Variants in CSMD1 observed in about 807,000 individuals in gnomAD.
CSMD1 encodes CUB and sushi domain-containing protein 1.
A neutral mutation model predicts 417.5 loss-of-function variants in CSMD1; 213 were observed. The observed-to-expected ratio is 0.51, with a 90% confidence interval of 0.46 to 0.57. The LOEUF (loss-of-function observed/expected upper bound fraction) is 0.57, where lower values mean the gene tolerates loss of function less well. Ranked by LOEUF, CSMD1 falls within the 20% of genes least tolerant of loss-of-function variation. The pLI, the probability that CSMD1 is intolerant of heterozygous loss-of-function variation, is 0.00. For synonymous variants in CSMD1, 2,862 were observed against 1,736.8 expected (o/e 1.65, Z -16.11); for missense variants, 6,923 against 4,529.7 (o/e 1.53, Z -15.17).
At chr8:4,527,277 A>G (rs1796564062) in intron 2 of CSMD1, among the ~76,000 whole-genome samples, 1 of 152,194 alleles carries the variant, frequency 6.6e-6, no homozygotes. Flanking sequence ...TAGCATTTAT[A>G]TGATCAGGAA....
intron 2 of CSMD1, among the ~76,000 whole-genome samples, chr8:4,578,564 C>A (rs1171775435): frequency 1.3e-5 from 2 of 151,370 alleles, no homozygotes; most frequent in Admixed American, 6.6e-5. Context: ...TGCCTGTAAT[C>A]TCGGCATTTT....
intron 3 of CSMD1, among the ~76,000 whole-genome samples, chr8:4,324,557 G>A (rs1208864656): frequency 6.6e-6 from 1 of 152,176 alleles, no homozygotes; most frequent in African/African-American, 2.4e-5. Context: ...GCCAATGCCA[G>A]GGAATAATTT....
intron 16 of CSMD1, among the ~76,000 whole-genome samples, chr8:3,396,815 G>T (rs1402456073): frequency 6.6e-6 from 1 of 151,930 alleles, no homozygotes; most frequent in Non-Finnish European, 1.5e-5. Flanking sequence ...GGGTGCACTA[G>T]AGTGAAATCA....
At chr8:4,197,592 C>G (rs1003721224) in intron 3 of CSMD1, among the ~76,000 whole-genome samples, 4 of 152,150 alleles carry the variant, frequency 2.6e-5, no homozygotes, top group African/African-American at 7.2e-5. Flanking sequence ...TAAAAATCAT[C>G]TTCCAGCTGG....
chr8:3,046,166 A>G (rs779089040), intron 50 of CSMD1, among the ~76,000 whole-genome samples: 9 of 152,166 alleles, frequency 5.9e-5, no homozygotes, highest in Non-Finnish European at 8.8e-5. Context: ...CTATGCTCAC[A>G]AAGTCAGTCT....
chr8:4,228,268 C>G (rs1801484337), intron 3 of CSMD1, among the ~76,000 whole-genome samples: 1 of 152,226 alleles, frequency 6.6e-6, no homozygotes. Flanking sequence ...TTTCCAGTCA[C>G]AGGCCCTGGT....
intron 2 of CSMD1, among the ~76,000 whole-genome samples, chr8:4,420,339 T>C (rs1217534): frequency 2.6e-4 from 39 of 151,974 alleles, no homozygotes; most frequent in African/African-American, 9.4e-4. Context: ...ATGCTCCTCG[T>C]TTTTGGATGG....
intron 3 of CSMD1, among the ~76,000 whole-genome samples, chr8:4,128,592 A>T (rs1211753211): frequency 2.0e-5 from 3 of 152,190 alleles, no homozygotes; most frequent in African/African-American, 7.2e-5. Context: ...AAACCTTCAA[A>T]GACCATTGTT....
intron 48 of CSMD1, among the ~76,000 whole-genome samples, chr8:3,088,010 T>C (rs1048731923): frequency 2.0e-5 from 3 of 152,216 alleles, no homozygotes; most frequent in African/African-American, 7.2e-5. Context: ...GACTGTACAA[T>C]GATGTAGATA....
At position 3,844,128 on chromosome 8, in the gene CSMD1, G is replaced by T. The variant is rs994888370; in HGVS notation, c.819-90086C>A. Among the ~76,000 whole-genome samples, 7 of 152,218 alleles carry T rather than the reference G, an allele frequency of 4.6e-5. 1 individual carries two copies. Among genetic ancestry groups the T allele is most frequent in the South Asian group, 4.1e-4 (2 of 4,824 alleles). On this transcript the variant is annotated intron_variant, in intron 5 of 69. Coordinates refer to ENST00000635120, the MANE Select transcript of CSMD1 (RefSeq NM_033225.6). Reference sequence around the variant, plus strand: ...CATTTTTATTATATACATAAGAATAGTACTTTAAAAATTTTAAAAAGACAA... The same window carrying T: ...CATTTTTATTATATACATAAGAATATTACTTTAAAAATTTTAAAAAGACAA...
At chr8:3,952,127 A>C (rs768028290) in intron 5 of CSMD1, among the ~76,000 whole-genome samples, 5 of 152,186 alleles carry the variant, frequency 3.3e-5, no homozygotes, top group Non-Finnish European at 5.9e-5. Flanking sequence ...TTATTTAAGT[A>C]GTGGTTCACA....
At chr8:3,626,000 G>A (rs905679322) in intron 7 of CSMD1, among the ~76,000 whole-genome samples, 1 of 152,092 alleles carries the variant, frequency 6.6e-6, no homozygotes, top group Non-Finnish European at 1.5e-5. Context: ...ATAAAAAATA[G>A]GAATATTCTA....
intron 1 of CSMD1, among the ~76,000 whole-genome samples, chr8:4,752,571 G>C (rs118103330): frequency 6.6e-6 from 1 of 152,114 alleles, no homozygotes; most frequent in African/African-American, 2.4e-5. Context: ...GAGTGAAAAC[G>C]AAGTGAATTA....
chr8:4,151,086 G>A (rs1252699810), intron 3 of CSMD1, among the ~76,000 whole-genome samples: 1 of 152,158 alleles, frequency 6.6e-6, no homozygotes, highest in Non-Finnish European at 1.5e-5. Flanking sequence ...GTGCCAGGGT[G>A]CAACTTGCAT....
chr8:4,737,031 A>C (rs764840052), intron 1 of CSMD1, among the ~76,000 whole-genome samples: 1 of 152,174 alleles, frequency 6.6e-6, no homozygotes, highest in Non-Finnish European at 1.5e-5. Context: ...AGACATATGC[A>C]CATGTAAGTT....
At chr8:4,848,637 T>A (rs1328674324) in intron 1 of CSMD1, among the ~76,000 whole-genome samples, 1 of 152,042 alleles carries the variant, frequency 6.6e-6, no homozygotes, top group Non-Finnish European at 1.5e-5. Context: ...TCTTCTTGGT[T>A]CAAGCAATTA....
At chr8:3,440,096 C>A (rs919458239) in intron 12 of CSMD1, among the ~76,000 whole-genome samples, 4 of 152,136 alleles carry the variant, frequency 2.6e-5, no homozygotes, top group Non-Finnish European at 5.9e-5. Flanking sequence ...GTGCTTTTCC[C>A]ACTCAATTTT....
At chr8:3,374,221 T>C (rs1585071271) in intron 18 of CSMD1, among the ~76,000 whole-genome samples, 2 of 152,018 alleles carry the variant, frequency 1.3e-5, no homozygotes, top group Non-Finnish European at 2.9e-5. Flanking sequence ...AGCCTCCCAA[T>C]GTGCTGAGAT....
chr8:4,021,937 T>A (rs111296872), intron 4 of CSMD1, among the ~76,000 whole-genome samples: 6 of 151,994 alleles, frequency 3.9e-5, no homozygotes, highest in African/African-American at 1.4e-4. Context: ...GCTCTTTTGA[T>A]CTTTATTTTT....
Sources: allele counts gnomAD v4.1 joint callset (sites outside exome capture counted in the v4.1 genomes callset), GRCh38; gene constraint gnomAD v4.1.1; transcripts MANE v1.5; gene names NCBI Gene and HGNC (gene_info 2026-07-23, HGNC 2026-07-21).